The following KIR3DL1 variants were observed in gnomAD, a reference collection of about 807,000 sequenced individuals.
KIR3DL1 encodes the protein killer cell immunoglobulin like receptor, three Ig domains and long cytoplasmic tail 1, also known as killer cell immunoglobulin-like receptor 3DL1.
In KIR3DL1, 50 loss-of-function variants were observed where a neutral mutation model predicts 40.3. The observed-to-expected ratio is 1.24, with a 90% CI of 0.99 to 1.57. KIR3DL1 has a LOEUF of 1.57. Among genes scored for constraint, KIR3DL1 ranks in the 40% most tolerant of loss-of-function variants. The probability of loss-of-function intolerance (pLI) is 0.00; values close to 1 mark genes in which losing one functional copy is unlikely to be tolerated. For synonymous variants in KIR3DL1, 257 were observed against 207.2 expected (o/e 1.24, Z -2.07); for missense variants, 661 against 559.9 (o/e 1.18, Z -1.82).
intron 4 of KIR3DL1, among the ~76,000 whole-genome samples, chr19:54,820,963 G>T (rs1184031570): frequency 6.6e-6 from 1 of 150,426 alleles, no homozygotes; most frequent in Admixed American, 6.6e-5. Flanking sequence ...TAATGGATTG[G>T]TTATAGATAC....
In KIR3DL1 at chr19:54,821,549, C is replaced by A. The variant is rs1389957128; in HGVS notation, c.656-16C>A. On this transcript the variant is annotated splice_polypyrimidine_tract_variant and intron_variant, in intron 4 of 8. Transcript: ENST00000391728. ...AGGAAGAACCTCCCTGAGGAAACTG[C>A]CTCTTCTCCTTCCAGGTCCATATGA... 1.3e-6 allele frequency: 2 copies of A among 1,598,846 alleles called. No individual in the cohort carries two copies. The highest frequency in any genetic ancestry group is 1.7e-6 in the Non-Finnish European group (2 of 1,173,270).
chr19:54,823,999 C>T (rs1327587466), intron 5 of KIR3DL1, among the ~76,000 whole-genome samples: 2 of 151,020 alleles, frequency 1.3e-5, no homozygotes, highest in African/African-American at 2.5e-5. Flanking sequence ...TTATTAATCC[C>T]GTCTCAGATG....
exon 4 of KIR3DL1, chr19:54,819,928 G>A (rs2061549843): frequency 2.5e-6 from 4 of 1,611,970 alleles, no homozygotes; most frequent in African/African-American, 1.3e-5. Context: ...TGCCCTTGCA[G>A]GGACCTACAG....
rs368698449 is a variant in KIR3DL1, at chr19:54,830,274, G to A, written c.1334G>A (p.Ter445=). 6 of 1,516,206 alleles carry A rather than the reference G, an allele frequency of 4.0e-6. No homozygotes were observed. The African/African-American group carries it at 7.1e-5, about 18-fold the overall frequency. The allele number at this position is 1,516,206 out of a possible 1,614,324, so 93.9% of individuals were successfully genotyped here. Residue 445 remains the stop codon, a stop_retained_variant, in exon 9 of 9, where the codon TGA becomes TAA. Coordinates refer to ENST00000391728, the Ensembl canonical transcript of KIR3DL1. The stretch of plus-strand genomic sequence containing the variant: ...AGATCCAAAGTTGTCTCCTGCCCAT[G>A]AGCACCACAGTCAGGCCTTGAGGAC...
chr19:54,821,341 C>A (rs1262049401), intron 4 of KIR3DL1, among the ~76,000 whole-genome samples: 1 of 150,734 alleles, frequency 6.6e-6, no homozygotes, highest in Non-Finnish European at 1.5e-5. Context: ...ATAAAACAAT[C>A]CAAAAAGGGA....
Position 54,819,020 on chromosome 19 carries a change from A to G in KIR3DL1, c.355+421A>G, listed in dbSNP as rs183406082. 3.2e-3 allele frequency among the ~76,000 whole-genome samples: 471 copies of G among 145,778 alleles called. 13 individuals carry two copies. The highest frequency in any genetic ancestry group is 0.012 in the African/African-American group (449 of 38,364). Reference sequence around the variant, plus strand: ...CTGCGGGCTTTGAAGGTGGAGGAAGACCACTAGTCACAGAATGCAGGTGGC... The same window carrying G: ...CTGCGGGCTTTGAAGGTGGAGGAAGGCCACTAGTCACAGAATGCAGGTGGC... On this transcript the variant is annotated intron_variant, in intron 3 of 8. Transcript: ENST00000391728.
rs1409600804 is a variant in KIR3DL1 at position 54,816,599 on chromosome 19, ATATGGGCCTAGAGGTGGAGT to A, written c.34+95_34+114del. On this transcript the variant is annotated intron_variant, in intron 1 of 8. Transcript: ENST00000391728. ...TGGAGATCTGGACCTGGAGGTAAAGATATGGGCCTAGAGGTGGAGTTATGGGCCTAGAGGTGGAGTTATGG... is the reference window on the plus strand; with the variant it reads ...TGGAGATCTGGACCTGGAGGTAAAGATATGGGCCTAGAGGTGGAGTTATGG... 8.9e-4 allele frequency: 1,314 copies of A among 1,472,800 alleles called. 57 individuals are homozygous for A. The African/African-American group carries it at 0.014, about 16-fold the overall frequency. 91.2% of individuals were successfully genotyped at this position (1,472,800 alleles called of 1,614,324 possible).
chr19:54,825,578 C>T lies in KIR3DL1; in HGVS notation c.1000+500C>T, dbSNP rs1164980640. ...TTCGACTCACTGACTCATTCAGCCA[C>T]GGCCCCATGCTCAGGCTGTGCAGTT... On this transcript the variant is annotated intron_variant, in intron 6 of 8. Coordinates refer to ENST00000391728, the Ensembl canonical transcript of KIR3DL1. Among the ~76,000 whole-genome samples the T allele has an allele frequency of 3.3e-5, 5 of 150,136 alleles. No individual in the cohort carries two copies. In the South Asian group the frequency reaches 6.3e-4, roughly 19 times the overall value.
intron 1 of KIR3DL1, 61 bp from the exon 2 acceptor site, chr19:54,817,473 G>C (rs1397616231): frequency 1.6e-5 from 21 of 1,341,206 alleles, no homozygotes; most frequent in Non-Finnish European, 1.9e-5. Flanking sequence ...AGCCCAGTGG[G>C]GGCAGCAGGG....
chr19:54,818,215 G>A (rs2061445953), intron 2 of KIR3DL1, 100 bp from the exon 3 acceptor site: 6 of 1,333,608 alleles, frequency 4.5e-6, no homozygotes, highest in Middle Eastern at 2.4e-4. Flanking sequence ...AGGTGTGGTA[G>A]GAGCCTTAGA....
At chr19:54,818,963 G>A (rs1335182625) in intron 3 of KIR3DL1, among the ~76,000 whole-genome samples, 1 of 150,726 alleles carries the variant, frequency 6.6e-6, no homozygotes, top group East Asian at 1.9e-4. Flanking sequence ...GGGGATTAGA[G>A]CAGTGTAGTG....
exon 9 of KIR3DL1, chr19:54,830,427 CCT>C (rs2062167334): frequency 1.0e-6 from 1 of 970,082 alleles, no homozygotes; most frequent in African/African-American, 1.6e-5. Flanking sequence ...AAATCTGGTG[CCT>C]CTCTCTTGCT....
At chr19:54,824,685 C>A (rs182558245) in intron 5 of KIR3DL1, among the ~76,000 whole-genome samples, 21,599 of 101,402 alleles carry the variant, frequency 0.21, 1,298 homozygotes, top group Middle Eastern at 0.25. Context: ...CACACACACA[C>A]AAAAAAAGCC....
chr19:54,821,609 G>T lies in KIR3DL1; in HGVS notation c.700G>T (p.Val234Phe), dbSNP rs1465998465. 4.4e-6 allele frequency: 7 copies of T among 1,608,498 alleles called. No homozygotes were observed. Among genetic ancestry groups the T allele is most frequent in the Admixed American group, 3.3e-5 (2 of 59,758 alleles). Residue 234 changes from valine to phenylalanine, a missense_variant, in exon 5 of 9, where the codon GTT becomes TTT. By Grantham distance (50) the Val-to-Phe change is conservative. Around this residue, in one of 3 missense-constraint regions of KIR3DL1, gnomAD observed 548 missense variants for 413.3 expected, o/e 1.33. Transcript: ENST00000391728. ...TCTCTCAGCCCAGCCGGGCCCCAAG[G>T]TTCAGGCAGGAGAGAGCGTGACCTT... is the stretch of plus-strand genomic sequence containing the variant.
intron 5 of KIR3DL1, among the ~76,000 whole-genome samples, chr19:54,822,931 T>G (rs1373475754): frequency 6.8e-6 from 1 of 148,036 alleles, no homozygotes; most frequent in Non-Finnish European, 1.5e-5. Context: ...TGAACAGTGC[T>G]GGAACAGTCA....
chr19:54,818,465 G>A, exon 3 of KIR3DL1: 1 of 1,608,790 alleles, frequency 6.2e-7, no homozygotes, highest in East Asian at 2.2e-5. Flanking sequence ...TTCCATGGCA[G>A]AATATTCCAG....
chr19:54,823,491 T>C (rs3898893), intron 5 of KIR3DL1, among the ~76,000 whole-genome samples: 20,875 of 151,122 alleles, frequency 0.14, 1,945 homozygotes, highest in Middle Eastern at 0.19. Flanking sequence ...TACTTTACTT[T>C]ATTTTATTTA....
chr19:54,819,847 C>A (rs1298090391), exon 4 of KIR3DL1: 5 of 1,612,088 alleles, frequency 3.1e-6, no homozygotes, highest in African/African-American at 1.3e-5. Context: ...CTCTAAGGAC[C>A]CCTCACGCCT....
chr19:54,821,606 A>G, exon 5 of KIR3DL1: 1 of 1,608,456 alleles, frequency 6.2e-7, no homozygotes, highest in Non-Finnish European at 8.5e-7. Flanking sequence ...GCCGGGCCCC[A>G]AGGTTCAGGC....
Sources: allele counts gnomAD v4.1 joint callset (sites outside exome capture counted in the v4.1 genomes callset), GRCh38; gene constraint gnomAD v4.1.1; regional missense constraint gnomAD v4.1.1; transcripts MANE v1.5; gene names NCBI Gene and HGNC (gene_info 2026-07-23, HGNC 2026-07-21).